ARB2A: variants seen among roughly 807,000 people sequenced by gnomAD.
The protein encoded by ARB2A is cotranscriptional regulator ARB2A.
the ARB2A span, among the ~76,000 whole-genome samples, chr5:93,931,395 C>T: frequency 7.2e-5 from 11 of 152,096 alleles, no homozygotes; most frequent in Non-Finnish European, 1.5e-4. Flanking sequence ...ACCCAGGAGG[C>T]GGAGATTGCA....
At chr5:93,994,905 CTAAATAAA>C in the ARB2A span, among the ~76,000 whole-genome samples, 455 of 149,612 alleles carry the variant, frequency 3.0e-3, 2 homozygotes, top group African/African-American at 0.01. Context: ...GACCCTGTCT[CTAAATAAA>C]TAAATAAATA....
At chr5:94,081,783 G>C in the ARB2A span, among the ~76,000 whole-genome samples, 1 of 151,986 alleles carries the variant, frequency 6.6e-6, no homozygotes, top group Non-Finnish European at 1.5e-5. Context: ...CACTTGCATT[G>C]GGGTAGTGTC....
the ARB2A span, among the ~76,000 whole-genome samples, chr5:93,816,682 T>C: frequency 1.3e-5 from 2 of 152,144 alleles, no homozygotes; most frequent in African/African-American, 4.8e-5. Flanking sequence ...TACAAAAAGA[T>C]CCTTATTAAA....
chr5:93,675,029 T>G, the ARB2A span, among the ~76,000 whole-genome samples: 1 of 152,244 alleles, frequency 6.6e-6, no homozygotes, highest in African/African-American at 2.4e-5. Context: ...AATATTCTGC[T>G]TCTCAACCAG....
At chr5:93,825,019 T>A in the ARB2A span, among the ~76,000 whole-genome samples, 2 of 152,242 alleles carry the variant, frequency 1.3e-5, no homozygotes, top group African/African-American at 4.8e-5. Flanking sequence ...GCCATTGCTT[T>A]GATTGTGCTT....
At chr5:94,026,399 AG>A in the ARB2A span, among the ~76,000 whole-genome samples, 3 of 151,936 alleles carry the variant, frequency 2.0e-5, no homozygotes, top group African/African-American at 7.3e-5. Context: ...TGACAATTGA[AG>A]GGCGATGAGG....
chr5:93,669,025 C>G, the ARB2A span, among the ~76,000 whole-genome samples: 362 of 152,306 alleles, frequency 2.4e-3, 2 homozygotes, highest in African/African-American at 7.7e-3. Flanking sequence ...TTGGAACTTT[C>G]TAAAGTACTT....
the ARB2A span, among the ~76,000 whole-genome samples, chr5:93,697,061 CA>C: frequency 0.43 from 33,590 of 78,296 alleles, 3,334 homozygotes; most frequent in Middle Eastern, 0.58. Context: ...GACTCCATCT[CA>C]AAAAAAAAAA....
chr5:93,648,928 A>C, the ARB2A span, among the ~76,000 whole-genome samples: 1 of 152,232 alleles, frequency 6.6e-6, no homozygotes, highest in Non-Finnish European at 1.5e-5. Context: ...GAGAATCACA[A>C]GCATATCTTA....
the ARB2A span, among the ~76,000 whole-genome samples, chr5:94,046,142 G>A: frequency 3.9e-5 from 6 of 152,232 alleles, no homozygotes; most frequent in East Asian, 9.6e-4. Context: ...TCACTTGAAC[G>A]CATGACTCAG....
At chr5:93,788,368 C>A in the ARB2A span, among the ~76,000 whole-genome samples, 1 of 152,140 alleles carries the variant, frequency 6.6e-6, no homozygotes, top group Non-Finnish European at 1.5e-5. Context: ...CCGGAGGCAG[C>A]AAGGCTACCT....
chr5:93,990,389 A>G, the ARB2A span, among the ~76,000 whole-genome samples: 2 of 152,046 alleles, frequency 1.3e-5, no homozygotes, highest in Non-Finnish European at 2.9e-5. Flanking sequence ...TATTTTCACC[A>G]CTTTCCTTTT....
At chr5:94,076,850 C>T in the ARB2A span, among the ~76,000 whole-genome samples, 2 of 151,884 alleles carry the variant, frequency 1.3e-5, no homozygotes, top group Non-Finnish European at 2.9e-5. Context: ...TTTCATTGGC[C>T]CCAAATTGTC....
At chr5:93,744,504 C>T in the ARB2A span, among the ~76,000 whole-genome samples, 2 of 130,006 alleles carry the variant, frequency 1.5e-5, no homozygotes, top group African/African-American at 6.0e-5. Flanking sequence ...TTAAAATTTA[C>T]TTGGATGCTC....
the ARB2A span, among the ~76,000 whole-genome samples, chr5:93,744,434 C>CAAAAAAAAAAAAA: frequency 4.9e-3 from 71 of 14,540 alleles, 17 homozygotes; most frequent in African/African-American, 8.5e-3. Context: ...GACTCAGTCT[C>CAAAAAAAAAAAAA]AAAAAAAAAA....
At chr5:93,959,496 G>A in the ARB2A span, among the ~76,000 whole-genome samples, 1 of 151,954 alleles carries the variant, frequency 6.6e-6, no homozygotes. Context: ...ACTAAAATTG[G>A]AGATAGACGT....
chr5:94,010,711 G>T, the ARB2A span, among the ~76,000 whole-genome samples: 1 of 151,626 alleles, frequency 6.6e-6, no homozygotes, highest in South Asian at 2.1e-4. Flanking sequence ...GAATTGTAAG[G>T]TTTTTTCCTG....
At chr5:93,656,975 C>A in the ARB2A span, among the ~76,000 whole-genome samples, 3 of 152,238 alleles carry the variant, frequency 2.0e-5, no homozygotes, top group East Asian at 1.9e-4. Flanking sequence ...GCCTAGCATG[C>A]GTCATGCCTC....
At chr5:94,061,559 A>T in the ARB2A span, among the ~76,000 whole-genome samples, 1 of 152,236 alleles carries the variant, frequency 6.6e-6, no homozygotes, top group Non-Finnish European at 1.5e-5. Context: ...TAAGGAATCC[A>T]TAAAAGAATC....
Sources: gnomAD v4.1 joint callset for allele counts (sites outside exome capture counted in the v4.1 genomes callset) on GRCh38, gnomAD v4.1.1 for gene constraint, MANE v1.5 for transcripts, NCBI Gene and HGNC (gene_info 2026-07-23, HGNC 2026-07-21) for gene names.